ADGRL3: variants seen among roughly 807,000 people sequenced by gnomAD.
ADGRL3 encodes the protein adhesion G protein-coupled receptor L3.
In ADGRL3, 62 loss-of-function variants were observed where a neutral mutation model predicts 153.5. That is an observed-to-expected ratio of 0.40 (90% CI 0.33 to 0.50). The LOEUF (loss-of-function observed/expected upper bound fraction) is 0.50, where lower values mean the gene tolerates loss of function less well. Among genes scored for constraint, ADGRL3 ranks in the 20% least tolerant of loss-of-function variants. The pLI, the probability that ADGRL3 is intolerant of heterozygous loss-of-function variation, is 0.47. For missense variants in ADGRL3, 1,641 were observed against 1,859.4 expected (o/e 0.88, Z 2.16); for synonymous variants, 710 against 672.5 (o/e 1.06, Z -0.86).
At chr4:61,641,833 C>G (rs1365988705) in intron 5 of ADGRL3, among the ~76,000 whole-genome samples, 1 of 149,126 alleles carries the variant, frequency 6.7e-6, no homozygotes, top group African/African-American at 2.5e-5. Flanking sequence ...AATGGTATTT[C>G]TAGTTCTAGG....
chr4:61,931,255 A>G (rs1191818556), intron 13 of ADGRL3, among the ~76,000 whole-genome samples: 1 of 152,184 alleles, frequency 6.6e-6, no homozygotes, highest in Non-Finnish European at 1.5e-5. Flanking sequence ...GTAAGAGACC[A>G]AATTATGAAG....
intron 14 of ADGRL3, 109 bp downstream of exon 14, chr4:61,935,132 G>A (rs2098832817): frequency 1.2e-6 from 1 of 860,264 alleles, no homozygotes; most frequent in Non-Finnish European, 1.8e-6. Context: ...TTATTTCAAT[G>A]GAGAAAAGTC....
chr4:61,517,013 G>T (rs1399855306), intron 3 of ADGRL3, among the ~76,000 whole-genome samples: 1 of 150,958 alleles, frequency 6.6e-6, no homozygotes, highest in African/African-American at 2.4e-5. Flanking sequence ...ATTTTTTCAG[G>T]TAGCTTACTG....
rs555410538 is a variant in ADGRL3, at chr4:61,846,933, G to GATA, written c.1480+33045_1480+33047dup. On this transcript the variant is annotated intron_variant, in intron 9 of 26. Coordinates refer to ENST00000683033, the MANE Select transcript of ADGRL3 (RefSeq NM_001387552.1). The stretch of plus-strand genomic sequence containing the variant: ...ACAACGACAGCACCAAGCCGTGAGG[G>GATA]ATATTTTATATATTATGTGTGTGTG... Among the ~76,000 whole-genome samples, 306 of 139,532 alleles carry GATA rather than the reference G, an allele frequency of 2.2e-3. 1 individual carries two copies. Among genetic ancestry groups the GATA allele is most frequent in the African/African-American group, 8.6e-3 (285 of 33,310 alleles). 91.5% of individuals were successfully genotyped at this position (139,532 alleles called of 152,430 possible).
chr4:61,572,120 G>C (rs1206535257), intron 4 of ADGRL3, among the ~76,000 whole-genome samples: 2 of 151,872 alleles, frequency 1.3e-5, no homozygotes, highest in African/African-American at 4.8e-5. Context: ...AATTCTTTTG[G>C]CTTTTTATAA....
In ADGRL3 at chr4:61,515,058, A is replaced by G. The variant is rs533701297; in HGVS notation, c.56-2257A>G. ...TGTCCTATGCTACTCTTCCCTCCCA[A>G]GAGTTTTAATAATTATCCTAAACAG... On this transcript the variant is annotated intron_variant, in intron 3 of 26. Transcript: ENST00000683033. Among the ~76,000 whole-genome samples the G allele has an allele frequency of 2.1e-3, 314 of 152,234 alleles. 1 individual carries two copies. The highest frequency in any genetic ancestry group is 3.4e-3 in the Middle Eastern group (1 of 294).
chr4:61,852,005 A>G (rs2098210379), intron 9 of ADGRL3, among the ~76,000 whole-genome samples: 1 of 152,194 alleles, frequency 6.6e-6, no homozygotes, highest in South Asian at 2.1e-4. Flanking sequence ...ATGTATGGTT[A>G]GTGTCTAAGT....
chr4:61,630,873 G>C (rs180742003), intron 5 of ADGRL3, among the ~76,000 whole-genome samples: 26 of 152,288 alleles, frequency 1.7e-4, no homozygotes, highest in African/African-American at 2.6e-4. Flanking sequence ...TACCATAGCA[G>C]TCATTAGGTA....
intron 9 of ADGRL3, among the ~76,000 whole-genome samples, chr4:61,841,964 C>G: frequency 6.6e-6 from 1 of 152,312 alleles, no homozygotes; most frequent in East Asian, 1.9e-4. Flanking sequence ...GCAGGGTTGA[C>G]ACCATGGGTA....
At chr4:61,855,583 T>C (rs2098253865) in intron 9 of ADGRL3, among the ~76,000 whole-genome samples, 1 of 152,128 alleles carries the variant, frequency 6.6e-6, no homozygotes, top group Non-Finnish European at 1.5e-5. Context: ...ACTGGGATTA[T>C]AGAAAATATC....
intron 4 of ADGRL3, among the ~76,000 whole-genome samples, chr4:61,526,604 C>A (rs1355013433): frequency 6.6e-6 from 1 of 151,620 alleles, no homozygotes; most frequent in Non-Finnish European, 1.5e-5. Context: ...ATAGTGAGAC[C>A]CTGTCTTTAT....
intron 2 of ADGRL3, among the ~76,000 whole-genome samples, chr4:61,445,989 C>T (rs2097577355): frequency 1.3e-5 from 2 of 152,136 alleles, no homozygotes; most frequent in Admixed American, 1.3e-4. Context: ...ACATGCTGTA[C>T]AGGTTTATAG....
At chr4:61,481,163 A>G (rs1328717841) in intron 2 of ADGRL3, among the ~76,000 whole-genome samples, 1 of 152,238 alleles carries the variant, frequency 6.6e-6, no homozygotes, top group Non-Finnish European at 1.5e-5. Context: ...GCTCAATGAT[A>G]GGATTTAATC....
intron 2 of ADGRL3, among the ~76,000 whole-genome samples, chr4:61,449,864 A>G (rs2097652797): frequency 6.6e-6 from 1 of 152,186 alleles, no homozygotes; most frequent in Non-Finnish European, 1.5e-5. Context: ...TTTCTCCACC[A>G]CCTTTAACAA....
intron 19 of ADGRL3, among the ~76,000 whole-genome samples, chr4:61,985,024 G>A (rs879600461): frequency 4.6e-5 from 7 of 151,954 alleles, no homozygotes; most frequent in Non-Finnish European, 8.8e-5. Context: ...GTATATATGG[G>A]CCAAATGAAA....
At chr4:61,419,509 C>T (rs1300736624) in intron 2 of ADGRL3, among the ~76,000 whole-genome samples, 1 of 142,856 alleles carries the variant, frequency 7.0e-6, no homozygotes, top group Admixed American at 6.7e-5. Flanking sequence ...ACTGGAACCA[C>T]TGAGTAAGAA....
chr4:61,416,133 T>C (rs2097142179), intron 2 of ADGRL3, among the ~76,000 whole-genome samples: 1 of 152,112 alleles, frequency 6.6e-6, no homozygotes, highest in East Asian at 1.9e-4. Flanking sequence ...TGTGCTGATA[T>C]CTAGATTAGG....
intron 1 of ADGRL3, among the ~76,000 whole-genome samples, chr4:61,322,879 G>T (rs943633768): frequency 1.3e-5 from 2 of 152,188 alleles, no homozygotes; most frequent in African/African-American, 2.4e-5. Flanking sequence ...AGCTCCACTA[G>T]GTGGTGCCCC....
At chr4:61,760,778 C>A (rs2096902980) in intron 8 of ADGRL3, among the ~76,000 whole-genome samples, 1 of 152,150 alleles carries the variant, frequency 6.6e-6, no homozygotes, top group Admixed American at 6.5e-5. Flanking sequence ...TGGAGCTGTT[C>A]CTATTTGGCC....
Sources: allele counts gnomAD v4.1 joint callset (sites outside exome capture counted in the v4.1 genomes callset), GRCh38; gene constraint gnomAD v4.1.1; transcripts MANE v1.5; gene names NCBI Gene and HGNC (gene_info 2026-07-23, HGNC 2026-07-21).